The following LRP1B variants were observed in gnomAD, a reference collection of about 807,000 sequenced individuals.
The protein encoded by LRP1B is low-density lipoprotein receptor-related protein 1B.
A neutral mutation model predicts 556.6 loss-of-function variants in LRP1B; 217 were observed. The observed-to-expected ratio is 0.39, with a 90% CI of 0.35 to 0.44. The LOEUF (loss-of-function observed/expected upper bound fraction) is 0.44. Among genes scored for constraint, LRP1B ranks in the 20% least tolerant of loss-of-function variants. The pLI is 1.00. For synonymous variants in LRP1B, 2,047 were observed against 1,865.8 expected (o/e 1.10, Z -2.50); for missense variants, 5,053 against 5,620.8 (o/e 0.90, Z 3.23).
intron 18 of LRP1B, among the ~76,000 whole-genome samples, chr2:140,968,209 C>T (rs1216394072): frequency 6.6e-6 from 1 of 151,656 alleles, no homozygotes; most frequent in Non-Finnish European, 1.5e-5. Flanking sequence ...AATTTCAGAG[C>T]CTGTTATTGG....
intron 32 of LRP1B, among the ~76,000 whole-genome samples, chr2:140,793,249 A>G (rs1050819885): frequency 3.9e-5 from 6 of 152,016 alleles, no homozygotes; most frequent in Admixed American, 6.5e-5. Flanking sequence ...CATTAGCATT[A>G]ATGTTATATG....
chr2:140,673,356 G>A (rs1242394626), intron 41 of LRP1B, among the ~76,000 whole-genome samples: 5 of 151,922 alleles, frequency 3.3e-5, no homozygotes, highest in Non-Finnish European at 7.4e-5. Flanking sequence ...TTCTTAATGT[G>A]CTTAATCTCT....
chr2:140,583,171 C>CTTTTTTTT (rs1219194754), intron 43 of LRP1B, among the ~76,000 whole-genome samples: 31 of 48,012 alleles, frequency 6.5e-4, no homozygotes, highest in Non-Finnish European at 9.8e-4. Flanking sequence ...CCTTTTTTTT[C>CTTTTTTTT]TTTTTTTTTT....
At position 140,541,896 on chromosome 2, in the gene LRP1B, C is replaced by T. The variant is rs2105020750; in HGVS notation, c.7270G>A (p.Gly2424Arg). 1.2e-6 allele frequency: 2 copies of T among 1,612,648 alleles called. No homozygotes were observed. Among genetic ancestry groups the T allele is most frequent in the Non-Finnish European group, 1.7e-6 (2 of 1,179,110 alleles). ...YDNYIFWSDW[G>R]RRAILRSNKY... The stretch of plus-strand genomic sequence containing the variant: ...TTGGACCGCAGTATAGCTCTTCTTC[C>T]CCAGTCCGACCAGAATATATAATTG... Residue 2424 changes from glycine (G) to arginine (R), a missense_variant, in exon 44 of 91, where the codon GGA becomes AGA. Physicochemically the swap from Gly to Arg is moderately radical, Grantham distance 125 (BLOSUM62 -2). This residue lies in a region of LRP1B where 3,619 missense variants were observed against 3,931.9 expected (regional missense o/e 0.92). Transcript: ENST00000389484.
chr2:141,885,329 T>C lies in LRP1B; in HGVS notation c.83-74928A>G, dbSNP rs190081097. ...GTAGGAATTGCTATGGGCACTGGGGTGTGACTGATACAGAGTCTATTGCTG... is the reference window on the plus strand; with the variant it reads ...GTAGGAATTGCTATGGGCACTGGGGCGTGACTGATACAGAGTCTATTGCTG... On this transcript the variant is annotated intron_variant, in intron 1 of 90. Coordinates refer to ENST00000389484, the MANE Select transcript of LRP1B (RefSeq NM_018557.3). 5.1e-4 allele frequency among the ~76,000 whole-genome samples: 77 copies of C among 152,228 alleles called. 1 individual carries two copies. Among genetic ancestry groups the C allele is most frequent in the African/African-American group, 1.8e-3 (75 of 41,548 alleles).
chr2:141,350,307 C>A (rs1688399045), intron 3 of LRP1B, among the ~76,000 whole-genome samples: 1 of 151,918 alleles, frequency 6.6e-6, no homozygotes, highest in South Asian at 2.1e-4. Context: ...CCAGGGTTAC[C>A]AAAATGAAGA....
intron 35 of LRP1B, among the ~76,000 whole-genome samples, chr2:140,752,506 G>T (rs1688615890): frequency 6.6e-6 from 1 of 151,812 alleles, no homozygotes; most frequent in African/African-American, 2.4e-5. Context: ...TGTATTTTTA[G>T]TAGAGACAGG....
At chr2:141,423,357 A>G (rs1680223525) in intron 3 of LRP1B, among the ~76,000 whole-genome samples, 1 of 142,382 alleles carries the variant, frequency 7.0e-6, no homozygotes, top group African/African-American at 2.7e-5. Flanking sequence ...AGATGGAGAG[A>G]GCAGTTAACT....
At chr2:141,743,032 C>G (rs1693767960) in intron 2 of LRP1B, among the ~76,000 whole-genome samples, 1 of 151,948 alleles carries the variant, frequency 6.6e-6, no homozygotes, top group African/African-American at 2.4e-5. Flanking sequence ...AATATAAGAT[C>G]ATATCATCTG....
chr2:140,674,582 TTTGAG>T (rs1316343634), intron 41 of LRP1B, among the ~76,000 whole-genome samples: 1 of 152,196 alleles, frequency 6.6e-6, no homozygotes, highest in Non-Finnish European at 1.5e-5. Context: ...GACTCCCCTG[TTTGAG>T]TTGTCTTGCC....
At chr2:140,806,454 G>C (rs1218231182) in intron 32 of LRP1B, among the ~76,000 whole-genome samples, 5 of 152,024 alleles carry the variant, frequency 3.3e-5, no homozygotes, top group South Asian at 2.1e-4. Context: ...ATATAAATGA[G>C]AGCAACTGTG....
chr2:141,532,303 G>A (rs1168427346), intron 2 of LRP1B, among the ~76,000 whole-genome samples: 1 of 142,384 alleles, frequency 7.0e-6, no homozygotes, highest in African/African-American at 2.5e-5. Flanking sequence ...TGCCTATCTA[G>A]TATTACATTG....
intron 1 of LRP1B, among the ~76,000 whole-genome samples, chr2:141,978,284 T>G (rs1298008049): frequency 6.6e-6 from 1 of 152,108 alleles, no homozygotes; most frequent in Non-Finnish European, 1.5e-5. Context: ...GTGATTTTGC[T>G]CATCAATTTT....
chr2:140,428,906 T>C (rs573510214), intron 66 of LRP1B, among the ~76,000 whole-genome samples: 1 of 152,276 alleles, frequency 6.6e-6, no homozygotes, highest in African/African-American at 2.4e-5. Flanking sequence ...TAGGCTGAGA[T>C]ATTTTAACTA....
intron 3 of LRP1B, among the ~76,000 whole-genome samples, chr2:141,272,399 A>C (rs1316482414): frequency 6.6e-6 from 1 of 152,158 alleles, no homozygotes; most frequent in East Asian, 1.9e-4. Flanking sequence ...ATTAAAAAAG[A>C]AATAGAAATC....
intron 3 of LRP1B, among the ~76,000 whole-genome samples, chr2:141,474,997 C>T (rs969255199): frequency 6.6e-6 from 1 of 152,136 alleles, no homozygotes; most frequent in African/African-American, 2.4e-5. Flanking sequence ...TTTTCACTGA[C>T]CTCTGAACTT....
chr2:140,764,165 G>C (rs1316310127), intron 35 of LRP1B, among the ~76,000 whole-genome samples: 1 of 151,880 alleles, frequency 6.6e-6, no homozygotes, highest in Non-Finnish European at 1.5e-5. Context: ...TCCAGGCATA[G>C]AAAATAAAAA....
intron 3 of LRP1B, among the ~76,000 whole-genome samples, chr2:141,432,668 T>C (rs1021120084): frequency 6.6e-6 from 1 of 152,068 alleles, no homozygotes; most frequent in Non-Finnish European, 1.5e-5. Flanking sequence ...TATTAATTTG[T>C]ATATTTCATC....
At chr2:141,579,724 CTTT>C (rs33913417) in intron 2 of LRP1B, among the ~76,000 whole-genome samples, 3 of 100,964 alleles carry the variant, frequency 3.0e-5, no homozygotes, top group East Asian at 2.9e-4. Context: ...TCAGGTTTCA[CTTT>C]TTTTTTTTTT....
Sources: gnomAD v4.1 joint callset for allele counts (sites outside exome capture counted in the v4.1 genomes callset) on GRCh38, gnomAD v4.1.1 for gene constraint, gnomAD v4.1.1 regional missense constraint, MANE v1.5 for transcripts, NCBI Gene and HGNC (gene_info 2026-07-23, HGNC 2026-07-21) for gene names.